The following THOC7 variants were observed in gnomAD, a reference collection of about 807,000 sequenced individuals.
THOC7 encodes THO complex subunit 7, also known as NIF3L1-binding protein 1.
Under a neutral mutation model 33.1 loss-of-function variants are expected in THOC7, and 22 were observed. The ratio of observed to expected loss-of-function variants is 0.66; its 90% confidence interval spans 0.47 to 0.95. The LOEUF is 0.95. Among genes scored for constraint, THOC7 ranks in the 40% least tolerant of loss-of-function variants. THOC7 has a pLI of 0.00. For synonymous variants in THOC7, 77 were observed against 76.8 expected, an observed-to-expected ratio of 1.00 and a Z score of -0.01; for missense variants, 184 against 245.3, an observed-to-expected ratio of 0.75 and a Z score of 1.67.
rs150276210 is a variant in THOC7 at position 63,850,256 on chromosome 3, G to A, written c.20-10483C>T. ...ACTCCCATTGCCCAGGCTAGAGTGC[G>A]GTGGTGTGATCTCGGCTCACTGCAA... On this transcript the variant is annotated intron_variant, in intron 1 of 7. Transcript: ENST00000295899. Among the ~76,000 whole-genome samples the A allele has an allele frequency of 3.1e-3, 470 of 152,010 alleles. 10 individuals are homozygous for A. In the East Asian group the frequency reaches 0.037, roughly 12 times the overall value.
At chr3:63,844,842 A>G (rs963137712) in intron 1 of THOC7, among the ~76,000 whole-genome samples, 3 of 152,156 alleles carry the variant, frequency 2.0e-5, no homozygotes, top group Admixed American at 1.3e-4. Context: ...CTTATAAATT[A>G]CCCATTCTCT....
intron 1 of THOC7, chr3:63,861,720 G>A (rs956276610): frequency 2.6e-5 from 4 of 151,888 alleles, no homozygotes; most frequent in African/African-American, 9.7e-5. Flanking sequence ...AAGTGGCGAG[G>A]AAACTTAGCT....
chr3:63,856,630 T>C (rs1216386628), intron 1 of THOC7, among the ~76,000 whole-genome samples: 1 of 152,198 alleles, frequency 6.6e-6, no homozygotes, highest in Admixed American at 6.5e-5. Flanking sequence ...ACTGGTATAC[T>C]AGCCAGCAGA....
chr3:63,850,814 G>A (rs544521718), intron 1 of THOC7, among the ~76,000 whole-genome samples: 15 of 151,908 alleles, frequency 9.9e-5, no homozygotes, highest in East Asian at 5.8e-4. Context: ...TCAAAAACTC[G>A]TGACCTCAGC....
intron 2 of THOC7, 105 bp from the exon 3 acceptor site, chr3:63,838,604 G>T: frequency 1.8e-6 from 2 of 1,127,678 alleles, no homozygotes; most frequent in Non-Finnish European, 2.5e-6. Flanking sequence ...AGCAAGTTCT[G>T]AGAGAATCAT....
chr3:63,837,831 AAT>A (rs1701665280), intron 4 of THOC7, 143 bp downstream of exon 4: 1 of 561,254 alleles, frequency 1.8e-6, no homozygotes, highest in South Asian at 3.2e-5. Context: ...TTTAAAGAAT[AAT>A]ATAGTTTTAA....
intron 1 of THOC7, among the ~76,000 whole-genome samples, chr3:63,858,562 G>A (rs1031494485): frequency 6.6e-6 from 1 of 152,152 alleles, no homozygotes; most frequent in East Asian, 1.9e-4. Flanking sequence ...TGTTGCTCTG[G>A]CATATCAATA....
intron 1 of THOC7, among the ~76,000 whole-genome samples, chr3:63,847,747 C>A (rs1293219412): frequency 7.9e-5 from 12 of 151,622 alleles, no homozygotes; most frequent in Admixed American, 5.3e-4. Flanking sequence ...AAAAAACAAA[C>A]AAAAAAAACA....
At chr3:63,845,332 A>G (rs1298235065) in intron 1 of THOC7, among the ~76,000 whole-genome samples, 6 of 152,180 alleles carry the variant, frequency 3.9e-5, no homozygotes, top group African/African-American at 1.4e-4. Context: ...GTCACTGGCA[A>G]TGACTACATT....
intron 1 of THOC7, among the ~76,000 whole-genome samples, chr3:63,861,348 AC>A (rs1170465029): frequency 6.6e-6 from 1 of 152,166 alleles, no homozygotes; most frequent in Non-Finnish European, 1.5e-5. Context: ...GAAAAGTAGC[AC>A]TAACAGGCAC....
In THOC7 at chr3:63,863,804, G is replaced by T; in HGVS notation, c.-14C>A. On this transcript the variant is annotated 5_prime_UTR_variant, in exon 1 of 8. Coordinates refer to ENST00000295899, the MANE Select transcript of THOC7 (RefSeq NM_025075.4). ...CACGGCTCCCATGGCGTGCGCGGCGGCGGCGGCGGCGGCGGCGGCGCAAGC... is the reference window on the plus strand; with the variant it reads ...CACGGCTCCCATGGCGTGCGCGGCGTCGGCGGCGGCGGCGGCGGCGCAAGC... 9.0e-7 allele frequency: 1 copy of T among 1,110,134 alleles called. No homozygotes were observed. Among genetic ancestry groups the T allele is most frequent in the Non-Finnish European group, 1.1e-6 (1 of 883,800 alleles). The allele number at this position is 1,110,134 out of a possible 1,614,324, so 68.8% of individuals were successfully genotyped here.
chr3:63,863,478 G>A, intron 1 of THOC7: 1 of 1,166,138 alleles, frequency 8.6e-7, no homozygotes, highest in Non-Finnish European at 1.1e-6. Flanking sequence ...TGTGTTCCCA[G>A]CCCACCGACC....
intron 1 of THOC7, among the ~76,000 whole-genome samples, chr3:63,851,201 T>C (rs551960833): frequency 2.6e-5 from 4 of 152,304 alleles, no homozygotes; most frequent in African/African-American, 9.6e-5. Flanking sequence ...AAGCATCAAA[T>C]GGTATGTCTT....
chr3:63,850,708 T>A (rs768557705), intron 1 of THOC7, among the ~76,000 whole-genome samples: 2 of 149,582 alleles, frequency 1.3e-5, no homozygotes, highest in Non-Finnish European at 3.0e-5. Context: ...TGCCTCAGCC[T>A]CTCTAGTAGC....
At chr3:63,843,585 T>C (rs1321095596) in intron 1 of THOC7, among the ~76,000 whole-genome samples, 1 of 152,004 alleles carries the variant, frequency 6.6e-6, no homozygotes, top group African/African-American at 2.4e-5. Flanking sequence ...AATTTGGGTG[T>C]TTACCAACAG....
In THOC7 at chr3:63,836,357, T is replaced by C. The variant is rs767946270; in HGVS notation, c.354A>G (p.Glu118=). 24 of 1,612,146 alleles carry C rather than the reference T, an allele frequency of 1.5e-5. No individual in the cohort carries two copies. In the African/African-American group the frequency reaches 2.7e-4, roughly 18 times the overall value. The change falls in exon 5 of 8, where the codon GAA becomes GAG. Residue 118 remains glutamate, a splice_region_variant and synonymous_variant. Coordinates refer to ENST00000295899, the MANE Select transcript of THOC7 (RefSeq NM_025075.4). ...GAATCACTTTTGCCAAAGCATCATA[T>C]TCTGTAAGACATAAAAATATTTATC... ...QAKRIRKNRQ[E]YDALAKVIQH...
chr3:63,838,367 T>G lies in THOC7; in HGVS notation c.265+5A>C, dbSNP rs767437831. 1 of 1,462,426 alleles carries G rather than the reference T, an allele frequency of 6.8e-7. No homozygotes were observed. Among genetic ancestry groups the G allele is most frequent in the East Asian group, 2.3e-5 (1 of 43,770 alleles). 90.6% of individuals were successfully genotyped at this position (1,462,426 alleles called of 1,614,324 possible). A position where few individuals can be genotyped will look rare whatever the true frequency, so the allele number is the denominator to read the frequency against. ...ATTACAGATAGAAACATTAAGATTCTTTACCTATTTCCTTGTAAATTTTTT... is the reference window on the plus strand; with the variant it reads ...ATTACAGATAGAAACATTAAGATTCGTTACCTATTTCCTTGTAAATTTTTT... On this transcript the variant is annotated splice_donor_5th_base_variant and intron_variant, in intron 3 of 7. Transcript: ENST00000295899.
intron 1 of THOC7, among the ~76,000 whole-genome samples, chr3:63,850,816 G>T (rs904863493): frequency 2.6e-5 from 4 of 151,866 alleles, no homozygotes; most frequent in African/African-American, 9.7e-5. Context: ...AAAAACTCGT[G>T]ACCTCAGCAA....
chr3:63,844,194 G>A (rs1230968746), intron 1 of THOC7, among the ~76,000 whole-genome samples: 1 of 152,168 alleles, frequency 6.6e-6, no homozygotes, highest in South Asian at 2.1e-4. Context: ...ACCAAAGGCT[G>A]GGGTGGCTAG....
Sources: allele counts gnomAD v4.1 joint callset (sites outside exome capture counted in the v4.1 genomes callset), GRCh38; gene constraint gnomAD v4.1.1; transcripts MANE v1.5; gene names NCBI Gene and HGNC (gene_info 2026-07-23, HGNC 2026-07-21).